The following CDK14 variants were observed in gnomAD, a reference collection of about 807,000 sequenced individuals.
CDK14 encodes the protein cyclin dependent kinase 14, also known as cyclin-dependent kinase 14.
In CDK14, 34 loss-of-function variants were observed where a neutral mutation model predicts 60.7. The observed-to-expected ratio is 0.56, with a 90% CI of 0.43 to 0.75. The LOEUF (loss-of-function observed/expected upper bound fraction) is 0.75. Ranked by LOEUF, CDK14 falls within the 30% of genes least tolerant of loss-of-function variation. The pLI, the probability that CDK14 is intolerant of heterozygous loss-of-function variation, is 0.00. For synonymous variants in CDK14, 197 were observed against 203.7 expected (o/e 0.97, Z 0.28); for missense variants, 482 against 564.1 (o/e 0.85, Z 1.47).
At chr7:91,079,352 A>G in intron 11 of CDK14, 80 bp from the exon 12 acceptor site, 1 of 920,484 alleles carries the variant, frequency 1.1e-6, no homozygotes, top group East Asian at 2.5e-5. Flanking sequence ...CTCTTTTTTT[A>G]AAGTTGAAGT....
At chr7:91,171,844 A>G (rs1801531270) in intron 14 of CDK14, among the ~76,000 whole-genome samples, 1 of 152,076 alleles carries the variant, frequency 6.6e-6, no homozygotes, top group Admixed American at 6.6e-5. Flanking sequence ...ACCTGGTTTC[A>G]CCATGTTGGT....
intron 11 of CDK14, among the ~76,000 whole-genome samples, chr7:91,056,019 C>T (rs1015697666): frequency 1.3e-5 from 2 of 152,186 alleles, no homozygotes; most frequent in South Asian, 2.1e-4. Context: ...GTATAAAGTC[C>T]TCCATAACTC....
At chr7:91,196,634 A>G (rs1239215180) in intron 14 of CDK14, among the ~76,000 whole-genome samples, 1 of 152,202 alleles carries the variant, frequency 6.6e-6, no homozygotes, top group Non-Finnish European at 1.5e-5. Context: ...ATTTAAGTAG[A>G]TGGATTTTTT....
intron 6 of CDK14, among the ~76,000 whole-genome samples, chr7:90,883,786 A>G (rs546195830): frequency 1.3e-5 from 2 of 152,342 alleles, no homozygotes; most frequent in East Asian, 1.9e-4. Flanking sequence ...GGCTTAACAT[A>G]TGCAAATCAA....
intron 14 of CDK14, among the ~76,000 whole-genome samples, chr7:91,199,107 C>T (rs1177956871): frequency 1.3e-5 from 2 of 152,078 alleles, no homozygotes; most frequent in South Asian, 2.1e-4. Context: ...AACTTATAAA[C>T]ACTTGGGAGT....
intron 3 of CDK14, among the ~76,000 whole-genome samples, chr7:90,729,255 G>A (rs969074018): frequency 1.3e-5 from 2 of 148,386 alleles, no homozygotes; most frequent in Non-Finnish European, 3.0e-5. Flanking sequence ...TTGAACTTCA[G>A]CTTCCAGTTT....
At position 91,072,762 on chromosome 7, in the gene CDK14, A is replaced by G. The variant is rs528059104; in HGVS notation, c.1106-6670A>G. Among the ~76,000 whole-genome samples the G allele has an allele frequency of 3.3e-5, 5 of 152,282 alleles. No homozygotes were observed. In the East Asian group the frequency reaches 9.7e-4, roughly 29 times the overall value. The stretch of plus-strand genomic sequence containing the variant: ...GTACTAACTCAATGCAAAGAAGCTA[A>G]GAACCTTGATAAAAACCTTACAGGA... On this transcript the variant is annotated intron_variant, in intron 11 of 14. Coordinates refer to ENST00000380050, the MANE Select transcript of CDK14 (RefSeq NM_001287135.2).
At position 91,017,676 on chromosome 7, in the gene CDK14, C is replaced by T. The variant is rs966510029; in HGVS notation, c.1042-28221C>T. ...GTTTGACATAGACAGAATAAATGGG[C>T]ACTGCTATATGATGGATGAGTATCA... On this transcript the variant is annotated intron_variant, in intron 10 of 14. Coordinates refer to ENST00000380050, the MANE Select transcript of CDK14 (RefSeq NM_001287135.2). 3.9e-5 allele frequency among the ~76,000 whole-genome samples: 6 copies of T among 152,224 alleles called. No homozygotes were observed. In the East Asian group the frequency reaches 1.2e-3, roughly 29 times the overall value.
intron 3 of CDK14, among the ~76,000 whole-genome samples, chr7:90,736,448 C>G (rs1803119834): frequency 7.0e-6 from 1 of 143,554 alleles, no homozygotes; most frequent in African/African-American, 2.6e-5. Context: ...TGCATAACGC[C>G]ATTTTACATC....
chr7:91,149,924 G>T (rs1027268809), intron 14 of CDK14, among the ~76,000 whole-genome samples: 4 of 152,166 alleles, frequency 2.6e-5, no homozygotes, highest in African/African-American at 7.2e-5. Context: ...GTGATTTCAC[G>T]CTCAGTTGTT....
At chr7:90,751,653 C>T (rs1803851839) in intron 4 of CDK14, among the ~76,000 whole-genome samples, 1 of 152,128 alleles carries the variant, frequency 6.6e-6, no homozygotes, top group African/African-American at 2.4e-5. Flanking sequence ...ATGATAGGCT[C>T]AAAATGCTAT....
intron 8 of CDK14, among the ~76,000 whole-genome samples, chr7:90,925,624 G>A (rs1383346417): frequency 6.6e-6 from 1 of 152,206 alleles, no homozygotes; most frequent in African/African-American, 2.4e-5. Flanking sequence ...CTACTTGGAA[G>A]GCTGAAGCAG....
intron 5 of CDK14, among the ~76,000 whole-genome samples, chr7:90,859,934 T>C (rs1471318663): frequency 6.6e-6 from 1 of 152,208 alleles, no homozygotes; most frequent in Non-Finnish European, 1.5e-5. Context: ...GGCAGAATGT[T>C]TTTTTGTTTT....
chr7:90,906,044 T>G lies in CDK14; in HGVS notation c.702+6691T>G, dbSNP rs559394506. On this transcript the variant is annotated intron_variant, in intron 7 of 14. Coordinates refer to ENST00000380050, the MANE Select transcript of CDK14 (RefSeq NM_001287135.2). ...AGGATATGAACTGCAGGTGAAATTA[T>G]TCTCAAAAAATTCGGACTATGACAT... Among the ~76,000 whole-genome samples, 25 of 152,286 alleles carry G rather than the reference T, an allele frequency of 1.6e-4. No individual in the cohort carries two copies. The South Asian group carries it at 5.0e-3, about 30-fold the overall frequency.
At chr7:91,093,821 A>G (rs1387801032) in intron 12 of CDK14, among the ~76,000 whole-genome samples, 1 of 152,230 alleles carries the variant, frequency 6.6e-6, no homozygotes, top group African/African-American at 2.4e-5. Context: ...TGGCACATAT[A>G]CATCATGGAA....
chr7:90,657,904 A>C (rs1800783222), intron 2 of CDK14, among the ~76,000 whole-genome samples: 1 of 152,228 alleles, frequency 6.6e-6, no homozygotes, highest in Admixed American at 6.5e-5. Context: ...AGGTAACTTC[A>C]TGAAGGTCAT....
At chr7:90,610,458 C>T (rs1024321390) in intron 2 of CDK14, among the ~76,000 whole-genome samples, 1 of 152,200 alleles carries the variant, frequency 6.6e-6, no homozygotes, top group Non-Finnish European at 1.5e-5. Context: ...CTTCTTGCGA[C>T]CCTCCTCCAC....
chr7:91,174,878 A>G (rs953079219), intron 14 of CDK14, among the ~76,000 whole-genome samples: 1 of 124,372 alleles, frequency 8.0e-6, no homozygotes, highest in African/African-American at 3.4e-5. Context: ...GTTGGAAAAC[A>G]CTCTGCAGGA....
chr7:91,048,938 G>A (rs183958691), intron 11 of CDK14, among the ~76,000 whole-genome samples: 114 of 152,102 alleles, frequency 7.5e-4, no homozygotes, highest in African/African-American at 2.3e-3. Flanking sequence ...GCAGTGGTGC[G>A]ATTACAACTC....
Sources: gnomAD v4.1 joint callset for allele counts (sites outside exome capture counted in the v4.1 genomes callset) on GRCh38, gnomAD v4.1.1 for gene constraint, MANE v1.5 for transcripts, NCBI Gene and HGNC (gene_info 2026-07-23, HGNC 2026-07-21) for gene names.